USP48: variants seen among roughly 807,000 people sequenced by gnomAD.
The protein encoded by USP48 is ubiquitin specific peptidase 48, also known as ubiquitin carboxyl-terminal hydrolase 48.
In USP48, 43 loss-of-function variants were observed where a neutral mutation model predicts 150.7. The ratio of observed to expected loss-of-function variants is 0.29; its 90% CI spans 0.22 to 0.37. The LOEUF (loss-of-function observed/expected upper bound fraction) is 0.37. USP48 is among the 10% of genes least tolerant of loss of function. The pLI, the probability that USP48 is intolerant of heterozygous loss-of-function variation, is 1.00. For synonymous variants in USP48, 396 were observed against 425.9 expected, an observed-to-expected ratio of 0.93 and a Z score of 0.86; for missense variants, 813 against 1,249.6, an observed-to-expected ratio of 0.65 and a Z score of 5.27.
intron 7 of USP48, 85 bp from the exon 8 acceptor site, chr1:21,747,234 C>A: frequency 6.0e-6 from 5 of 839,594 alleles, no homozygotes; most frequent in Non-Finnish European, 8.9e-6. Flanking sequence ...TTAATAAACT[C>A]AACAGTAGCT....
rs754472348 is a variant in USP48, at chr1:21,706,196, C to T, written c.2212-9G>A. On this transcript the variant is annotated splice_polypyrimidine_tract_variant and intron_variant, in intron 17 of 26. Transcript: ENST00000308271. ...TAGAGGACATCCGTATCCTAGAACA[C>T]AAAAATCACAAAACAGTATCCGTCA... The T allele has an allele frequency of 6.2e-7, 1 of 1,612,660 alleles. No individual in the cohort carries two copies. Among genetic ancestry groups the T allele is most frequent in the Non-Finnish European group, 8.5e-7 (1 of 1,179,434 alleles).
At chr1:21,702,577 T>A (rs957236477) in intron 21 of USP48, among the ~76,000 whole-genome samples, 4 of 151,740 alleles carry the variant, frequency 2.6e-5, no homozygotes, top group South Asian at 2.1e-4. Context: ...TGATTTTTTT[T>A]AAACTATAAA....
At chr1:21,750,472 G>A (rs184610314) in intron 6 of USP48, among the ~76,000 whole-genome samples, 342 of 152,032 alleles carry the variant, frequency 2.2e-3, no homozygotes, top group Middle Eastern at 6.8e-3. Flanking sequence ...CTATATATTC[G>A]CACTTTATTT....
Position 21,703,502 on chromosome 1 carries a change from G to A in USP48, c.2622+10C>T. 1.2e-6 allele frequency: 2 copies of A among 1,601,294 alleles called. No homozygotes were observed. The highest frequency in any genetic ancestry group is 1.7e-6 in the Non-Finnish European group (2 of 1,171,036). On this transcript the variant is annotated intron_variant, in intron 21 of 26. Transcript: ENST00000308271. ...TCATTACTAGTCATTGCCACAAGAGGGACCAGTACCTTTTTATTATCCACA... is the reference window on the plus strand; with the variant it reads ...TCATTACTAGTCATTGCCACAAGAGAGACCAGTACCTTTTTATTATCCACA...
intron 1 of USP48, among the ~76,000 whole-genome samples, chr1:21,780,702 C>T (rs181514992): frequency 2.8e-4 from 42 of 149,600 alleles, no homozygotes; most frequent in African/African-American, 8.8e-4. Context: ...AATTTAGAGG[C>T]GGAACATACA....
rs1358482084 is a variant in USP48 at position 21,758,211 on chromosome 1, C to CAA, written c.135-429_135-428insTT. Among the ~76,000 whole-genome samples the CAA allele has an allele frequency of 3.8e-4, 58 of 151,608 alleles. 2 individuals are homozygous for CAA. The highest frequency in any genetic ancestry group is 6.8e-3 in the Middle Eastern group (2 of 292). On this transcript the variant is annotated intron_variant, in intron 1 of 26. Coordinates refer to ENST00000308271, the MANE Select transcript of USP48 (RefSeq NM_032236.8). ...ACACACACACACACACACACACACA[C>CAA]ACACACACACACAGCATGAAAAAGA...
chr1:21,700,795 C>T (rs1336640740), intron 22 of USP48, among the ~76,000 whole-genome samples: 2 of 152,162 alleles, frequency 1.3e-5, no homozygotes, highest in East Asian at 1.9e-4. Context: ...ATTTATGGGC[C>T]GGATGCGGTG....
chr1:21,682,667 G>A (rs1009327476), intron 25 of USP48, among the ~76,000 whole-genome samples: 1 of 151,858 alleles, frequency 6.6e-6, no homozygotes, highest in Non-Finnish European at 1.5e-5. Flanking sequence ...ATGAGGTCAC[G>A]AGTTCCAGAG....
Position 21,678,314 on chromosome 1 carries a change from C to T in USP48, c.*1103G>A, listed in dbSNP as rs1179951451. The T allele has an allele frequency of 2.7e-5, 4 of 150,066 alleles. No individual in the cohort carries two copies. In the East Asian group the frequency reaches 7.8e-4, roughly 29 times the overall value. The allele number at this position is 150,066 out of a possible 1,614,324, so 9.3% of individuals were successfully genotyped here. On this transcript the variant is annotated 3_prime_UTR_variant, in exon 27 of 27. Coordinates refer to ENST00000308271, the MANE Select transcript of USP48 (RefSeq NM_032236.8). ...TTTTTTTTTTTTCAAAGGAAAAACTCCAGTCTTAAGTTCAATTAAAAAAAC... is the reference window on the plus strand; with the variant it reads ...TTTTTTTTTTTTCAAAGGAAAAACTTCAGTCTTAAGTTCAATTAAAAAAAC...
At chr1:21,733,878 A>G (rs1166910400) in intron 9 of USP48, among the ~76,000 whole-genome samples, 1 of 151,338 alleles carries the variant, frequency 6.6e-6, no homozygotes, top group Non-Finnish European at 1.5e-5. Flanking sequence ...TGAAGCCTTG[A>G]TCTCCTGGGC....
chr1:21,763,918 C>CCTTA (rs2097855783), intron 1 of USP48, among the ~76,000 whole-genome samples: 1 of 152,130 alleles, frequency 6.6e-6, no homozygotes, highest in South Asian at 2.1e-4. Flanking sequence ...CTAAAGCCAG[C>CCTTA]CTTAGCAGCA....
At chr1:21,682,358 C>T (rs1365297639) in intron 25 of USP48, among the ~76,000 whole-genome samples, 3 of 152,060 alleles carry the variant, frequency 2.0e-5, no homozygotes, top group Non-Finnish European at 2.9e-5. Context: ...ATATCAAACC[C>T]AGGGTACCAT....
At chr1:21,751,695 T>A in intron 5 of USP48, 80 bp from the exon 6 acceptor site, 3 of 1,054,210 alleles carry the variant, frequency 2.8e-6, no homozygotes, top group Admixed American at 4.3e-5. Context: ...CCTAGAAAGA[T>A]GGAAAAAAGC....
At chr1:21,705,491 G>A (rs2097669606) in intron 19 of USP48, among the ~76,000 whole-genome samples, 1 of 152,142 alleles carries the variant, frequency 6.6e-6, no homozygotes. Context: ...TGGCTGTGTT[G>A]TCTTCAAGAG....
At position 21,772,479 on chromosome 1, in the gene USP48, T is replaced by C. The variant is rs376686231; in HGVS notation, c.134+10345A>G. On this transcript the variant is annotated intron_variant, in intron 1 of 26. Coordinates refer to ENST00000308271, the MANE Select transcript of USP48 (RefSeq NM_032236.8). ...TCTACAAAAAATGCAAAAAATTAGC[T>C]GGGCGTGGTGGCGGGCGCCTGTAGT... is the stretch of plus-strand genomic sequence containing the variant. Among the ~76,000 whole-genome samples, 36 of 151,412 alleles carry C rather than the reference T, an allele frequency of 2.4e-4. 1 individual carries two copies. The East Asian group carries it at 6.7e-3, about 28-fold the overall frequency.
At chr1:21,742,410 G>A (rs1191564162) in intron 8 of USP48, among the ~76,000 whole-genome samples, 1 of 151,946 alleles carries the variant, frequency 6.6e-6, no homozygotes, top group Admixed American at 6.6e-5. Context: ...CAACCGTGGT[G>A]GTGCACACTT....
chr1:21,696,378 C>T (rs1287834134), intron 22 of USP48, among the ~76,000 whole-genome samples: 2 of 152,194 alleles, frequency 1.3e-5, no homozygotes, highest in Admixed American at 6.5e-5. Flanking sequence ...GCGGAGGCTG[C>T]GGTGAGCCGA....
At chr1:21,716,239 T>C (rs78687543) in intron 14 of USP48, among the ~76,000 whole-genome samples, 3,140 of 152,238 alleles carry the variant, frequency 0.021, 41 homozygotes, top group Middle Eastern at 0.048. Context: ...TTGACATACC[T>C]GAATTGCCAA....
chr1:21,742,660 A>C (rs184731888), intron 8 of USP48, among the ~76,000 whole-genome samples: 1 of 152,294 alleles, frequency 6.6e-6, no homozygotes. Context: ...AAGGAGGGAG[A>C]TGTGATGGTC....
Sources: gnomAD v4.1 joint callset for allele counts (sites outside exome capture counted in the v4.1 genomes callset) on GRCh38, gnomAD v4.1.1 for gene constraint, MANE v1.5 for transcripts, NCBI Gene and HGNC (gene_info 2026-07-23, HGNC 2026-07-21) for gene names.